Variants in GNAO1 observed in about 807,000 individuals in gnomAD.
GNAO1 encodes G protein subunit alpha o1.
For synonymous variants in GNAO1, 164 were observed against 180.7 expected (o/e 0.91, Z 0.74); for missense variants, 166 against 478.7 (o/e 0.35, Z 6.10).
intron 3 of GNAO1, among the ~76,000 whole-genome samples, chr16:56,280,852 G>C (rs147117261): frequency 7.2e-5 from 11 of 152,290 alleles, no homozygotes; most frequent in East Asian, 5.8e-4. Context: ...GTTTCCAGGT[G>C]GGGGAGGTCC....
intron 2 of GNAO1, among the ~76,000 whole-genome samples, chr16:56,208,719 TA>T (rs2036356068): frequency 6.6e-6 from 1 of 152,216 alleles, no homozygotes; most frequent in Non-Finnish European, 1.5e-5. Flanking sequence ...TTACATAGTC[TA>T]GATTGCTAAA....
At chr16:56,313,172 G>A (rs2037476382) in intron 3 of GNAO1, among the ~76,000 whole-genome samples, 1 of 152,184 alleles carries the variant, frequency 6.6e-6, no homozygotes, top group Non-Finnish European at 1.5e-5. Context: ...CTCATTCGGT[G>A]ATGCAGGACT....
chr16:56,307,315 C>G (rs577569542), intron 3 of GNAO1: 7 of 152,328 alleles, frequency 4.6e-5, no homozygotes, highest in African/African-American at 1.4e-4. Context: ...GCTGGGCCTC[C>G]GCGTTGGTAG....
intron 3 of GNAO1, among the ~76,000 whole-genome samples, chr16:56,291,539 C>T (rs566050957): frequency 2.5e-4 from 38 of 152,282 alleles, no homozygotes; most frequent in African/African-American, 8.4e-4. Flanking sequence ...ATTTTCTCCC[C>T]TTCTGTGCAT....
chr16:56,262,608 C>T (rs1364358628), intron 2 of GNAO1, among the ~76,000 whole-genome samples: 1 of 152,126 alleles, frequency 6.6e-6, no homozygotes, highest in Non-Finnish European at 1.5e-5. Flanking sequence ...CTTGCGCATT[C>T]TCCACAAAAT....
chr16:56,286,313 G>A (rs2143546803), intron 3 of GNAO1, among the ~76,000 whole-genome samples: 1 of 152,326 alleles, frequency 6.6e-6, no homozygotes, highest in Non-Finnish European at 1.5e-5. Flanking sequence ...CTCTGAGTAA[G>A]TTAGGACATG....
At chr16:56,213,726 A>G (rs1310908050) in intron 2 of GNAO1, among the ~76,000 whole-genome samples, 2 of 152,190 alleles carry the variant, frequency 1.3e-5, no homozygotes, top group African/African-American at 2.4e-5. Flanking sequence ...AGCCATGTGC[A>G]CTTGGGGGAA....
chr16:56,300,034 TGTGC>T (rs1307118074), intron 3 of GNAO1, among the ~76,000 whole-genome samples: 79 of 95,142 alleles, frequency 8.3e-4, no homozygotes, highest in East Asian at 1.7e-3. Flanking sequence ...TGTGTGTGTG[TGTGC>T]GCGCGCGCGC....
intron 4 of GNAO1, among the ~76,000 whole-genome samples, chr16:56,332,776 G>C (rs761905582): frequency 6.6e-6 from 1 of 152,258 alleles, no homozygotes; most frequent in Non-Finnish European, 1.5e-5. Context: ...CCCATCTAAA[G>C]GAGGTTTGCC....
At chr16:56,200,337 A>G (rs1209020670) in intron 2 of GNAO1, among the ~76,000 whole-genome samples, 4 of 152,226 alleles carry the variant, frequency 2.6e-5, no homozygotes, top group Non-Finnish European at 4.4e-5. Context: ...AGTTAAAGAA[A>G]AGGAAGAATA....
At chr16:56,254,709 T>C (rs2036830046) in intron 2 of GNAO1, among the ~76,000 whole-genome samples, 1 of 152,160 alleles carries the variant, frequency 6.6e-6, no homozygotes, top group South Asian at 2.1e-4. Context: ...ATCTACAGTA[T>C]GTTTATAATT....
chr16:56,203,015 AGAG>A (rs2036294382), intron 2 of GNAO1, among the ~76,000 whole-genome samples: 1 of 152,188 alleles, frequency 6.6e-6, no homozygotes, highest in Non-Finnish European at 1.5e-5. Flanking sequence ...TACTGATCAC[AGAG>A]GGATCCAATT....
At chr16:56,280,251 G>C (rs78915009) in intron 3 of GNAO1, among the ~76,000 whole-genome samples, 2,112 of 152,346 alleles carry the variant, frequency 0.014, 33 homozygotes, top group South Asian at 0.051. Flanking sequence ...AGATGGAACT[G>C]TCCCTGAAGC....
intron 2 of GNAO1, among the ~76,000 whole-genome samples, chr16:56,249,127 A>C (rs1237694475): frequency 6.6e-6 from 1 of 152,164 alleles, no homozygotes; most frequent in Non-Finnish European, 1.5e-5. Context: ...AAGCCAACAG[A>C]TTTCCTTTCA....
intron 2 of GNAO1, among the ~76,000 whole-genome samples, chr16:56,232,757 T>C (rs185948775): frequency 1.3e-5 from 2 of 152,284 alleles, no homozygotes; most frequent in Non-Finnish European, 2.9e-5. Flanking sequence ...AAAAAAAACA[T>C]GACATATAAT....
intron 6 of GNAO1, among the ~76,000 whole-genome samples, chr16:56,348,703 G>T (rs1457979766): frequency 6.6e-6 from 1 of 152,212 alleles, no homozygotes; most frequent in East Asian, 1.9e-4. Flanking sequence ...TGGGTTCCAG[G>T]CAGCGTGCCG....
At chr16:56,255,098 A>G (rs1308910527) in intron 2 of GNAO1, among the ~76,000 whole-genome samples, 1 of 152,120 alleles carries the variant, frequency 6.6e-6, no homozygotes, top group Non-Finnish European at 1.5e-5. Flanking sequence ...TAATATTTTT[A>G]GCTTTGAGCT....
intron 3 of GNAO1, among the ~76,000 whole-genome samples, chr16:56,280,842 G>C (rs547146309): frequency 1.3e-4 from 20 of 152,306 alleles, no homozygotes; most frequent in Non-Finnish European, 2.5e-4. Context: ...AACCTAAGGG[G>C]TTTCCAGGTG....
chr16:56,324,367 G>C (rs1449897535), intron 3 of GNAO1, among the ~76,000 whole-genome samples: 1 of 152,170 alleles, frequency 6.6e-6, no homozygotes, highest in Non-Finnish European at 1.5e-5. Flanking sequence ...CCTGCTCTCA[G>C]GTCCTGACTT....
Sources: gnomAD v4.1 joint callset for allele counts (sites outside exome capture counted in the v4.1 genomes callset) on GRCh38, gnomAD v4.1.1 for gene constraint, MANE v1.5 for transcripts, NCBI Gene and HGNC (gene_info 2026-07-23, HGNC 2026-07-21) for gene names.